Variants in ARMC1 observed in about 807,000 individuals in gnomAD.
ARMC1 encodes the protein armadillo repeat containing 1.
In ARMC1, 16 loss-of-function variants were observed where a neutral mutation model predicts 31.4. The observed-to-expected ratio is 0.51, with a 90% confidence interval of 0.34 to 0.77. The LOEUF is 0.77. ARMC1 is among the 30% of genes least tolerant of loss of function. The pLI is 0.01. For synonymous variants in ARMC1, 114 were observed against 118.9 expected (o/e 0.96, Z 0.27); for missense variants, 259 against 347.5 (o/e 0.75, Z 2.02).
At position 65,618,088 on chromosome 8, in the gene ARMC1, A is replaced by T. The variant is rs189871358; in HGVS notation, c.275+4175T>A. Among the ~76,000 whole-genome samples the T allele has an allele frequency of 7.3e-3, 1,115 of 151,998 alleles. 6 individuals carry two copies. Among genetic ancestry groups the T allele is most frequent in the African/African-American group, 0.024 (1,010 of 41,500 alleles). ...GTACCACCATGCCTGGCTAATTTTTATATTTTTAGCAGAGATGGGGTTTCG... is the reference window on the plus strand; with the variant it reads ...GTACCACCATGCCTGGCTAATTTTTTTATTTTTAGCAGAGATGGGGTTTCG... On this transcript the variant is annotated intron_variant, in intron 3 of 6. Coordinates refer to ENST00000276569, the MANE Select transcript of ARMC1 (RefSeq NM_018120.6).
At position 65,613,921 on chromosome 8, in the gene ARMC1, C is replaced by T. The variant is rs113438239; in HGVS notation, c.276-488G>A. Among the ~76,000 whole-genome samples, 1,236 of 148,866 alleles carry T rather than the reference C, an allele frequency of 8.3e-3. 10 individuals carry two copies. Among genetic ancestry groups the T allele is most frequent in the South Asian group, 0.025 (117 of 4,634 alleles). ...GTTGCAGCAAGCTCAGATCACACCA[C>T]TGGGCTCCAGCCTGGGTGACAGAGG... On this transcript the variant is annotated intron_variant, in intron 3 of 6. Transcript: ENST00000276569.
intron 3 of ARMC1, among the ~76,000 whole-genome samples, chr8:65,620,205 G>A (rs1309094366): frequency 6.6e-6 from 1 of 150,908 alleles, no homozygotes; most frequent in East Asian, 1.9e-4. Flanking sequence ...TGGAAATAGT[G>A]TCACTAGCCA....
At chr8:65,623,857 G>A (rs1262919174) in intron 2 of ARMC1, among the ~76,000 whole-genome samples, 1 of 125,238 alleles carries the variant, frequency 8.0e-6, no homozygotes, top group Non-Finnish European at 1.6e-5. Context: ...GAGTGAAGTG[G>A]CACAAACTCG....
chr8:65,621,572 G>C (rs1268656093), intron 3 of ARMC1, among the ~76,000 whole-genome samples: 1 of 152,104 alleles, frequency 6.6e-6, no homozygotes. Flanking sequence ...GCAGTGGTGG[G>C]ATCTCACCTC....
At chr8:65,629,524 G>C (rs1808590487) in intron 1 of ARMC1, among the ~76,000 whole-genome samples, 1 of 152,080 alleles carries the variant, frequency 6.6e-6, no homozygotes, top group Admixed American at 6.6e-5. Context: ...ATTCCAGATG[G>C]GCGCGGTGGC....
chr8:65,620,712 G>C (rs1326355230), intron 3 of ARMC1, among the ~76,000 whole-genome samples: 1 of 151,084 alleles, frequency 6.6e-6, no homozygotes, highest in African/African-American at 2.4e-5. Flanking sequence ...TCCTCTTCCT[G>C]GTTAATCACT....
chr8:65,632,252 A>AACATG (rs1473562681), intron 1 of ARMC1, among the ~76,000 whole-genome samples: 6 of 152,182 alleles, frequency 3.9e-5, no homozygotes, highest in Admixed American at 6.6e-5. Flanking sequence ...CAGCCTGGGC[A>AACATG]ACATGGCAAA....
chr8:65,624,269 G>C (rs905951167), intron 2 of ARMC1, among the ~76,000 whole-genome samples: 3 of 151,242 alleles, frequency 2.0e-5, no homozygotes, highest in African/African-American at 7.3e-5. Context: ...GAAGCTGAGG[G>C]GGGCAGATCA....
At position 65,604,328 on chromosome 8, in the gene ARMC1, G is replaced by T; in HGVS notation, c.*66C>A. ...AACTTATTGCAAATTGCACTTGACA[G>T]TTCACCACAACAATGGAAAACTGGC... is the stretch of plus-strand genomic sequence containing the variant. On this transcript the variant is annotated 3_prime_UTR_variant, in exon 7 of 7. Transcript: ENST00000276569. 6.8e-7 allele frequency: 1 copy of T among 1,475,704 alleles called. No homozygotes were observed. The highest frequency in any genetic ancestry group is 9.2e-7 in the Non-Finnish European group (1 of 1,081,528). 91.4% of individuals were successfully genotyped at this position (1,475,704 alleles called of 1,614,324 possible). A position where few individuals can be genotyped will look rare whatever the true frequency, so the allele number is the denominator to read the frequency against.
At chr8:65,631,585 C>G (rs1215042470) in intron 1 of ARMC1, among the ~76,000 whole-genome samples, 1 of 152,126 alleles carries the variant, frequency 6.6e-6, no homozygotes, top group East Asian at 1.9e-4. Flanking sequence ...GCAGCGTTCA[C>G]AAAGCAGATT....
chr8:65,629,952 C>A (rs1026930450), intron 1 of ARMC1, among the ~76,000 whole-genome samples: 2 of 152,090 alleles, frequency 1.3e-5, no homozygotes, highest in Non-Finnish European at 2.9e-5. Context: ...TGAGACCAGT[C>A]TGACCAATAT....
In ARMC1 at chr8:65,623,307, CAA is replaced by C. The variant is rs71245496; in HGVS notation, c.184-955_184-954del. ...TGGGCGACAGAGCAAGACTCCGTCT[CAA>C]AAAAAAAAAAAAAAATGCTGGGCGC... On this transcript the variant is annotated intron_variant, in intron 2 of 6. Transcript: ENST00000276569. Among the ~76,000 whole-genome samples the C allele has an allele frequency of 2.1e-3, 80 of 38,338 alleles. 1 individual carries two copies. Among genetic ancestry groups the C allele is most frequent in the African/African-American group, 0.011 (75 of 6,970 alleles). The allele number at this position is 38,338 out of a possible 152,430, so 25.2% of individuals were successfully genotyped here.
At chr8:65,608,427 G>T (rs1484035476) in intron 4 of ARMC1, among the ~76,000 whole-genome samples, 1 of 152,098 alleles carries the variant, frequency 6.6e-6, no homozygotes, top group Non-Finnish European at 1.5e-5. Context: ...TACTTGGGAG[G>T]CTGAGGCACG....
chr8:65,619,710 G>A (rs781058637), intron 3 of ARMC1, among the ~76,000 whole-genome samples: 6 of 151,794 alleles, frequency 4.0e-5, no homozygotes, highest in South Asian at 2.1e-4. Flanking sequence ...TAGGCCAGGC[G>A]CAGTGACTCA....
In ARMC1 at chr8:65,610,695, C is replaced by CA. The variant is rs112536643; in HGVS notation, c.465+2548dup. ...GGGCAAAAAGAGCAAAACCCCGTCT[C>CA]AAAAAAAAAAAATTTAAAAACCAAT... On this transcript the variant is annotated intron_variant, in intron 4 of 6. Transcript: ENST00000276569. Among the ~76,000 whole-genome samples, 556 of 142,516 alleles carry CA rather than the reference C, an allele frequency of 3.9e-3. 2 individuals carry two copies. Among genetic ancestry groups the CA allele is most frequent in the Middle Eastern group, 0.014 (4 of 276 alleles). 93.5% of individuals were successfully genotyped at this position (142,516 alleles called of 152,430 possible).
chr8:65,621,851 T>C (rs919023590), intron 3 of ARMC1, among the ~76,000 whole-genome samples: 6 of 152,216 alleles, frequency 3.9e-5, no homozygotes, highest in African/African-American at 1.4e-4. Context: ...ATCTTAACTT[T>C]CTTATTTTAT....
chr8:65,632,433 A>C (rs1156306248), intron 1 of ARMC1, among the ~76,000 whole-genome samples: 1 of 152,072 alleles, frequency 6.6e-6, no homozygotes, highest in Non-Finnish European at 1.5e-5. Flanking sequence ...CTCACACAGT[A>C]AAACCCCGTC....
At chr8:65,607,575 A>T (rs1370344310) in intron 4 of ARMC1, among the ~76,000 whole-genome samples, 2 of 152,190 alleles carry the variant, frequency 1.3e-5, no homozygotes, top group Non-Finnish European at 2.9e-5. Flanking sequence ...TAGCTCCAAG[A>T]GAGCAAAAAG....
intron 4 of ARMC1, among the ~76,000 whole-genome samples, chr8:65,608,765 C>T (rs897739701): frequency 6.0e-5 from 9 of 149,246 alleles, no homozygotes; most frequent in East Asian, 4.1e-4. Flanking sequence ...AAAAATTGGC[C>T]GGGCATGGTG....
Sources: allele counts gnomAD v4.1 joint callset (sites outside exome capture counted in the v4.1 genomes callset), GRCh38; gene constraint gnomAD v4.1.1; transcripts MANE v1.5; gene names NCBI Gene and HGNC (gene_info 2026-07-23, HGNC 2026-07-21).